Variants in CASP9 observed in about 807,000 individuals in gnomAD.
CASP9 encodes the protein caspase-9.
Under a neutral mutation model 43.5 loss-of-function variants are expected in CASP9, and 29 were observed. The ratio of observed to expected loss-of-function variants is 0.67; its 90% CI spans 0.50 to 0.91. The LOEUF (loss-of-function observed/expected upper bound fraction) is 0.91, where lower values mean the gene tolerates loss of function less well. Among genes scored for constraint, CASP9 ranks in the 40% least tolerant of loss-of-function variants. The pLI is 0.00. For synonymous variants in CASP9, 206 were observed against 211.9 expected, an observed-to-expected ratio of 0.97 and a Z score of 0.24; for missense variants, 575 against 537.4, an observed-to-expected ratio of 1.07 and a Z score of -0.69.
intron 2 of CASP9, among the ~76,000 whole-genome samples, chr1:15,516,531 G>A (rs1299164914): frequency 6.6e-6 from 1 of 151,794 alleles, no homozygotes; most frequent in Non-Finnish European, 1.5e-5. Context: ...CTTAGAGATA[G>A]GATCTCACTA....
At chr1:15,504,006 T>C (rs1247454123) in intron 6 of CASP9, among the ~76,000 whole-genome samples, 2 of 152,084 alleles carry the variant, frequency 1.3e-5, no homozygotes, top group South Asian at 2.1e-4. Context: ...ATCCAAGTAA[T>C]ACATTTAAAA....
chr1:15,494,239 G>T (rs1450678800), intron 7 of CASP9, among the ~76,000 whole-genome samples: 1 of 152,106 alleles, frequency 6.6e-6, no homozygotes, highest in East Asian at 1.9e-4. Flanking sequence ...CCAAGGCTTG[G>T]AAAAGTCAAG....
intron 1 of CASP9, among the ~76,000 whole-genome samples, chr1:15,523,365 T>C (rs1465522766): frequency 6.6e-6 from 1 of 150,398 alleles, no homozygotes; most frequent in Non-Finnish European, 1.5e-5. Context: ...TCAAAGAGGG[T>C]AAGTGACTGG....
At position 15,518,189 on chromosome 1, in the gene CASP9, T is replaced by C. The variant is rs1161946706; in HGVS notation, c.339A>G (p.Pro113=). 1.9e-6 allele frequency: 3 copies of C among 1,614,216 alleles called. No homozygotes were observed. The highest frequency in any genetic ancestry group is 1.7e-6 in the Non-Finnish European group (2 of 1,180,028). ...TGAGAACCTCTGGTTTGCGAATCTC[T>C]GGTCTGAGCACCACTGGGGTAAGGT... ...LENLTPVVLR[P]EIRKPEVLRP... is the part of the protein sequence containing the mutation. Residue 113 remains proline, a synonymous_variant, in exon 2 of 9, where the codon CCA becomes CCG. Transcript: ENST00000333868.
At chr1:15,515,055 G>A (rs1388513778) in intron 2 of CASP9, among the ~76,000 whole-genome samples, 4 of 151,792 alleles carry the variant, frequency 2.6e-5, no homozygotes, top group Non-Finnish European at 4.4e-5. Flanking sequence ...TACTATTGCT[G>A]TTGTTATTTA....
Position 15,519,177 on chromosome 1 carries a change from C to T in CASP9, c.133-782G>A, listed in dbSNP as rs559828539. 1.9e-4 allele frequency among the ~76,000 whole-genome samples: 28 copies of T among 151,312 alleles called. 1 individual carries two copies. The South Asian group carries it at 5.6e-3, about 30-fold the overall frequency. On this transcript the variant is annotated intron_variant, in intron 1 of 8. Transcript: ENST00000333868. The stretch of plus-strand genomic sequence containing the variant: ...GGCATGAGCCACCGTGGCCAGCCAT[C>T]GGTTGTTTTTTTGTTTGTTTTTTGA...
At chr1:15,524,230 CCT>C, upstream of CASP9, 1 of 1,531,554 alleles carries the variant, frequency 6.5e-7, no homozygotes, top group Non-Finnish European at 8.7e-7. Flanking sequence ...CTCCAGGCCG[CCT>C]CAGTCCGCTT....
chr1:15,504,182 T>C (rs775804027), intron 6 of CASP9, among the ~76,000 whole-genome samples: 2 of 152,204 alleles, frequency 1.3e-5, no homozygotes, highest in African/African-American at 2.4e-5. Flanking sequence ...AACTACACTT[T>C]TGAAAATTCC....
intron 7 of CASP9, 44 bp from the exon 8 acceptor site, chr1:15,494,045 C>T (rs1394026935): frequency 1.9e-6 from 3 of 1,539,488 alleles, no homozygotes; most frequent in Non-Finnish European, 2.6e-6. Flanking sequence ...AGCCACCCCT[C>T]CGCCGGCTCC....
chr1:15,505,989 C>T lies in CASP9; in HGVS notation c.720+1G>A. The T allele has an allele frequency of 6.2e-7, 1 of 1,613,268 alleles. No individual in the cohort carries two copies. Among genetic ancestry groups the T allele is most frequent in the Non-Finnish European group, 8.5e-7 (1 of 1,179,172 alleles). The stretch of plus-strand genomic sequence containing the variant: ...CCAGGGAACAGTGGGAGGCTTCCTA[C>T]CTGACAGCCGTGAGAGAGAATGACC... On this transcript the variant is annotated splice_donor_variant, in intron 5 of 8. Transcript: ENST00000333868. LOFTEE classifies it high-confidence loss of function.
chr1:15,505,919 T>A (rs1709500489), intron 5 of CASP9, 71 bp downstream of exon 5: 1 of 1,190,920 alleles, frequency 8.4e-7, no homozygotes, highest in Non-Finnish European at 1.3e-6. Context: ...AGAAGGGACA[T>A]GGCCCCTGCA....
upstream of CASP9, chr1:15,524,789 C>G (rs950446779): frequency 1.0e-6 from 1 of 1,001,056 alleles, no homozygotes; most frequent in African/African-American, 1.8e-5. Flanking sequence ...CGGGACGCAT[C>G]TAGAAGGTCT....
intron 2 of CASP9, among the ~76,000 whole-genome samples, chr1:15,510,073 G>T (rs1239100271): frequency 6.6e-6 from 1 of 152,124 alleles, no homozygotes; most frequent in African/African-American, 2.4e-5. Flanking sequence ...TGGGAGTACA[G>T]GCACCTGCAT....
At chr1:15,493,122 T>C (rs1456277959) in intron 8 of CASP9, 87 bp from the exon 9 acceptor site, 1 of 1,590,378 alleles carries the variant, frequency 6.3e-7, no homozygotes, top group African/African-American at 1.4e-5. Flanking sequence ...GAATGTCCAC[T>C]CAACCCGCAC....
In CASP9 at chr1:15,492,701, G is replaced by A. The variant is rs1375655718; in HGVS notation, c.*242C>T. On this transcript the variant is annotated 3_prime_UTR_variant, in exon 9 of 9. Transcript: ENST00000333868. ...GACACAAGTCACTAGCCCTGGACCA[G>A]CCACTGCTCAAGAGGCCACGTGCAA... 6 of 563,604 alleles carry A rather than the reference G, an allele frequency of 1.1e-5. No homozygotes were observed. The highest frequency in any genetic ancestry group is 1.9e-5 in the Non-Finnish European group (6 of 317,770). The allele number at this position is 563,604 out of a possible 1,614,324, so 34.9% of individuals were successfully genotyped here. A position where few individuals can be genotyped will look rare whatever the true frequency, so the allele number is the denominator to read the frequency against.
chr1:15,513,898 A>G (rs1709857763), intron 2 of CASP9, among the ~76,000 whole-genome samples: 1 of 152,202 alleles, frequency 6.6e-6, no homozygotes, highest in African/African-American at 2.4e-5. Flanking sequence ...CCCCATCTGT[A>G]TTACAGGATA....
Position 15,507,036 on chromosome 1 carries a change from T to C in CASP9, c.493A>G (p.Ile165Val), listed in dbSNP as rs745756690. The change falls in exon 4 of 9, where the codon ATT becomes GTT. Residue 165 changes from isoleucine (I) to valine (V), a missense_variant. Transcript: ENST00000333868. ...CGGCAGAAGTTCACATTGTTGATAA[T>C]GAGGCAGTGGCCACAGGGCTCCATG... is the stretch of plus-strand genomic sequence containing the variant. ...LSMEPCGHCLIINNVNFCRES... is the reference protein window; with the variant it reads ...LSMEPCGHCLVINNVNFCRES... 1.2e-6 allele frequency: 2 copies of C among 1,614,066 alleles called. No homozygotes were observed. Among genetic ancestry groups the C allele is most frequent in the African/African-American group, 1.3e-5 (1 of 74,934 alleles).
chr1:15,503,686 T>TA (rs1249431330), intron 6 of CASP9, among the ~76,000 whole-genome samples: 1 of 152,132 alleles, frequency 6.6e-6, no homozygotes, highest in Non-Finnish European at 1.5e-5. Flanking sequence ...ACAGGAGAAA[T>TA]AGACCACAGG....
At chr1:15,516,713 T>G (rs1709964375) in intron 2 of CASP9, among the ~76,000 whole-genome samples, 1 of 152,078 alleles carries the variant, frequency 6.6e-6, no homozygotes, top group South Asian at 2.1e-4. Flanking sequence ...AACACACAAT[T>G]CCATTTCTAG....
Sources: gnomAD v4.1 joint callset for allele counts (sites outside exome capture counted in the v4.1 genomes callset) on GRCh38, gnomAD v4.1.1 for gene constraint, MANE v1.5 for transcripts, NCBI Gene and HGNC (gene_info 2026-07-23, HGNC 2026-07-21) for gene names.